Variants in AKAP9 observed in about 807,000 individuals in gnomAD.
AKAP9 encodes the protein A-kinase anchor protein 9.
AKAP9 carries 311 observed loss-of-function variants against 488.5 expected under a neutral mutation model. That is an observed-to-expected ratio of 0.64 (90% CI 0.58 to 0.70). AKAP9 has a LOEUF of 0.70. Among genes scored for constraint, AKAP9 ranks in the 30% least tolerant of loss-of-function variants. The pLI, the probability that AKAP9 is intolerant of heterozygous loss-of-function variation, is 0.00. For missense variants in AKAP9, 4,215 were observed against 4,374.5 expected (o/e 0.96, Z 1.03); for synonymous variants, 1,462 against 1,483.5 (o/e 0.99, Z 0.33).
At chr7:92,081,629 C>A (rs1019707378) in intron 31 of AKAP9, among the ~76,000 whole-genome samples, 3 of 151,662 alleles carry the variant, frequency 2.0e-5, no homozygotes, top group Non-Finnish European at 4.4e-5. Flanking sequence ...CTGCGCCTGG[C>A]CAGCTTTTAC....
intron 24 of AKAP9, among the ~76,000 whole-genome samples, chr7:92,064,255 T>C (rs1319789918): frequency 6.6e-6 from 1 of 152,110 alleles, no homozygotes; most frequent in Non-Finnish European, 1.5e-5. Context: ...CATCTAATGT[T>C]GTTTTAAAAG....
chr7:91,952,788 T>C (rs1792421258), intron 1 of AKAP9, among the ~76,000 whole-genome samples: 2 of 152,284 alleles, frequency 1.3e-5, no homozygotes, highest in Middle Eastern at 3.4e-3. Context: ...ATCCTGTAGA[T>C]TGTGGGGATC....
At chr7:92,102,163 T>TA (rs71933089) in intron 45 of AKAP9, among the ~76,000 whole-genome samples, 11,000 of 107,034 alleles carry the variant, frequency 0.1, 492 homozygotes, top group African/African-American at 0.11. Context: ...CTCATAAATT[T>TA]AAAAAAAAAA....
At chr7:92,021,818 A>G (rs539838770) in intron 12 of AKAP9, among the ~76,000 whole-genome samples, 1 of 152,262 alleles carries the variant, frequency 6.6e-6, no homozygotes, top group Admixed American at 6.5e-5. Context: ...ACCATTTGTC[A>G]GTTACCTGGT....
At chr7:91,995,066 C>T (rs1046543922) in intron 6 of AKAP9, among the ~76,000 whole-genome samples, 1 of 152,136 alleles carries the variant, frequency 6.6e-6, no homozygotes, top group African/African-American at 2.4e-5. Flanking sequence ...TAGTCACATC[C>T]TACCTTTGCC....
chr7:92,110,029 T>C lies in AKAP9; in HGVS notation c.11687-93T>C, dbSNP rs960307229. On this transcript the variant is annotated intron_variant, in intron 49 of 49. Coordinates refer to ENST00000356239, the MANE Select transcript of AKAP9 (RefSeq NM_005751.5). ...AAAAGGGCTTTAAAAAAATGGAGAA[T>C]AATAATAATTTCCTTTGTGTGAACT... 5 of 960,032 alleles carry C rather than the reference T, an allele frequency of 5.2e-6. No individual in the cohort carries two copies. In the East Asian group the frequency reaches 1.0e-4, roughly 20 times the overall value. 59.5% of individuals were successfully genotyped at this position (960,032 alleles called of 1,614,324 possible).
chr7:91,975,490 T>C (rs544337604), intron 2 of AKAP9, among the ~76,000 whole-genome samples: 1 of 152,358 alleles, frequency 6.6e-6, no homozygotes, highest in African/African-American at 2.4e-5. Context: ...CTGTAAGTTC[T>C]AATAGGTTTT....
At chr7:92,093,416 T>A in intron 39 of AKAP9, 100 bp downstream of exon 39, 1 of 1,015,704 alleles carries the variant, frequency 9.8e-7, no homozygotes, top group Non-Finnish European at 1.5e-6. Context: ...GCATGATATT[T>A]AAATAGCATG....
intron 45 of AKAP9, among the ~76,000 whole-genome samples, chr7:92,102,172 A>T (rs1317560385): frequency 8.6e-6 from 1 of 116,202 alleles, no homozygotes; most frequent in Non-Finnish European, 1.8e-5. Flanking sequence ...TTAAAAAAAA[A>T]ATAAATAAAT....
intron 21 of AKAP9, among the ~76,000 whole-genome samples, chr7:92,045,471 C>A (rs913756404): frequency 6.6e-6 from 1 of 152,050 alleles, no homozygotes; most frequent in Non-Finnish European, 1.5e-5. Flanking sequence ...TACATTTCTC[C>A]ACCGATAAAA....
At position 92,110,554 on chromosome 7, in the gene AKAP9, T is replaced by G; in HGVS notation, c.*395T>G. The G allele has an allele frequency of 4.0e-6, 1 of 251,040 alleles. No individual in the cohort carries two copies. The highest frequency in any genetic ancestry group is 2.2e-5 in the African/African-American group (1 of 45,186). 15.6% of individuals were successfully genotyped at this position (251,040 alleles called of 1,614,324 possible). A position where few individuals can be genotyped will look rare whatever the true frequency, so the allele number is the denominator to read the frequency against. On this transcript the variant is annotated 3_prime_UTR_variant, in exon 50 of 50. Transcript: ENST00000356239. Reference sequence around the variant, plus strand: ...TGTTTTGCCTAATATATTCTACTGGTGATGAAGACAGATAATATCACTTGT... The same window carrying G: ...TGTTTTGCCTAATATATTCTACTGGGGATGAAGACAGATAATATCACTTGT...
intron 16 of AKAP9, among the ~76,000 whole-genome samples, chr7:92,035,129 T>C (rs1261260626): frequency 1.3e-5 from 2 of 152,236 alleles, no homozygotes; most frequent in African/African-American, 4.8e-5. Flanking sequence ...ATAGCAATGC[T>C]TCCTCGTAAG....
intron 1 of AKAP9, among the ~76,000 whole-genome samples, chr7:91,947,173 T>C (rs979138120): frequency 1.5e-4 from 15 of 97,252 alleles, no homozygotes; most frequent in African/African-American, 5.2e-4. Context: ...TGTGTGTGTG[T>C]GCGTGTGTGT....
chr7:92,023,049 G>T, intron 14 of AKAP9, 40 bp downstream of exon 14: 1 of 1,581,904 alleles, frequency 6.3e-7, no homozygotes, highest in Non-Finnish European at 8.7e-7. Flanking sequence ...AGTATTTGTA[G>T]CTTTGTAACA....
At chr7:92,049,254 T>C (rs1731077920) in intron 21 of AKAP9, among the ~76,000 whole-genome samples, 1 of 152,214 alleles carries the variant, frequency 6.6e-6, no homozygotes, top group Non-Finnish European at 1.5e-5. Flanking sequence ...ATTGGCATCT[T>C]GTGAAGTTCC....
Position 92,086,296 on chromosome 7 carries a change from A to T in AKAP9, c.9093A>T (p.Gln3031His), listed in dbSNP as rs776011305. 2.5e-6 allele frequency: 4 copies of T among 1,614,148 alleles called. No homozygotes were observed. Among genetic ancestry groups the T allele is most frequent in the Non-Finnish European group, 3.4e-6 (4 of 1,180,016 alleles). Residue 3031 changes from glutamine (Q) to histidine (H), a missense_variant, in exon 37 of 50, where the codon CAA becomes CAT. By Grantham distance (24) the Gln-to-His change is conservative. Around this residue, in one of 5 missense-constraint regions of AKAP9, gnomAD observed 1,476 missense variants for 1,477.4 expected, o/e 1.00. Transcript: ENST00000356239. ...GAGGTGAACTACTGCTTGCCCTTCAACAAGTTTTCTTAGAAGAGCGTAGTG... is the reference window on the plus strand; with the variant it reads ...GAGGTGAACTACTGCTTGCCCTTCATCAAGTTTTCTTAGAAGAGCGTAGTG... ...DWRGELLLAL[Q>H]QVFLEERSVL...
At position 92,089,522 on chromosome 7, in the gene AKAP9, A is replaced by G; in HGVS notation, c.9351A>G (p.Pro3117=). 1.2e-6 allele frequency: 2 copies of G among 1,613,402 alleles called. No homozygotes were observed. The highest frequency in any genetic ancestry group is 1.7e-6 in the Non-Finnish European group (2 of 1,179,586). ...AAAGAGAACAAGAGAGTGAGAAACC[A>G]AGCCAAGGTATGTTGTATGACAAGC... ...TLKREQESEK[P]SQELLEYNIQ... The change falls in exon 38 of 50, where the codon CCA becomes CCG. Residue 3117 remains proline (P), a synonymous_variant. Coordinates refer to ENST00000356239, the MANE Select transcript of AKAP9 (RefSeq NM_005751.5).
intron 24 of AKAP9, among the ~76,000 whole-genome samples, chr7:92,062,726 A>G (rs1403713737): frequency 6.6e-6 from 1 of 152,016 alleles, no homozygotes; most frequent in Non-Finnish European, 1.5e-5. Context: ...TTCTTCATTT[A>G]TCCTCAAACT....
At chr7:92,053,054 C>T in intron 22 of AKAP9, 96 bp downstream of exon 22, 1 of 1,061,046 alleles carries the variant, frequency 9.4e-7, no homozygotes. Context: ...TCATGGATAG[C>T]TGTTTGGCAT....
Sources: allele counts gnomAD v4.1 joint callset (sites outside exome capture counted in the v4.1 genomes callset), GRCh38; gene constraint gnomAD v4.1.1; regional missense constraint gnomAD v4.1.1; transcripts MANE v1.5; gene names NCBI Gene and HGNC (gene_info 2026-07-23, HGNC 2026-07-21).